The following EXT1 variants were observed in gnomAD, a reference collection of about 807,000 sequenced individuals.
The protein encoded by EXT1 is exostosin-1.
EXT1 carries 20 observed loss-of-function variants against 82.5 expected under a neutral mutation model. The ratio of observed to expected loss-of-function variants is 0.24; its 90% CI spans 0.17 to 0.35. The LOEUF is 0.35. Ranked by LOEUF, EXT1 falls within the 10% of genes least tolerant of loss-of-function variation. The pLI is 1.00. For synonymous variants in EXT1, 348 were observed against 350.8 expected (o/e 0.99, Z 0.09); for missense variants, 757 against 936.5 (o/e 0.81, Z 2.50).
At chr8:117,801,207 G>C (rs1303376331) in intron 10 of EXT1, among the ~76,000 whole-genome samples, 1 of 152,194 alleles carries the variant, frequency 6.6e-6, no homozygotes, top group Non-Finnish European at 1.5e-5. Flanking sequence ...AACACTATTT[G>C]TAAAGTGTTT....
chr8:118,062,754 A>G (rs1816903036), intron 1 of EXT1, among the ~76,000 whole-genome samples: 1 of 152,194 alleles, frequency 6.6e-6, no homozygotes, highest in Admixed American at 6.5e-5. Flanking sequence ...AAACTGGCCT[A>G]ACTGGATCAC....
intron 1 of EXT1, among the ~76,000 whole-genome samples, chr8:118,031,943 AG>A (rs1043115161): frequency 6.6e-6 from 1 of 152,024 alleles, no homozygotes; most frequent in Non-Finnish European, 1.5e-5. Context: ...CTGCAAATCA[AG>A]GCTGCTCCTC....
chr8:117,818,540 AT>A lies in EXT1; in HGVS notation c.1537-11del. 1 of 1,608,294 alleles carries A rather than the reference AT, an allele frequency of 6.2e-7. No homozygotes were observed. The highest frequency in any genetic ancestry group is 2.2e-5 in the East Asian group (1 of 44,834). ...TCCATAGAACTATGATCTGAAAGGGATGGGGCTCATTAGATGGCTGGGGTAG... is the reference window on the plus strand; with the variant it reads ...TCCATAGAACTATGATCTGAAAGGGAGGGGCTCATTAGATGGCTGGGGTAG... On this transcript the variant is annotated splice_polypyrimidine_tract_variant and intron_variant, in intron 6 of 10. Coordinates refer to ENST00000378204, the MANE Select transcript of EXT1 (RefSeq NM_000127.3).
chr8:117,943,600 C>T (rs934054403), intron 1 of EXT1, among the ~76,000 whole-genome samples: 2 of 152,150 alleles, frequency 1.3e-5, no homozygotes, highest in Non-Finnish European at 1.5e-5. Context: ...AGTGTTTGCA[C>T]GTACATGCCT....
chr8:117,812,192 G>C lies in EXT1; in HGVS notation c.1722+680C>G, dbSNP rs149241710. Among the ~76,000 whole-genome samples the C allele has an allele frequency of 1.3e-5, 2 of 152,280 alleles. 1 individual carries two copies. The highest frequency in any genetic ancestry group is 4.8e-5 in the African/African-American group (2 of 41,562). On this transcript the variant is annotated intron_variant, in intron 8 of 10. Transcript: ENST00000378204. ...TTTATATAGCTGTCTTTGGTCCTCTGCATGGTTTAAAGGAAGGTTTCAGAG... is the reference window on the plus strand; with the variant it reads ...TTTATATAGCTGTCTTTGGTCCTCTCCATGGTTTAAAGGAAGGTTTCAGAG...
At chr8:117,849,752 T>C (rs894383007) in intron 1 of EXT1, among the ~76,000 whole-genome samples, 3 of 152,186 alleles carry the variant, frequency 2.0e-5, no homozygotes, top group African/African-American at 7.2e-5. Flanking sequence ...AACTAAAGCA[T>C]TTATGAATAT....
chr8:117,982,038 C>T (rs1460287727), intron 1 of EXT1, among the ~76,000 whole-genome samples: 1 of 152,160 alleles, frequency 6.6e-6, no homozygotes, highest in Admixed American at 6.5e-5. Flanking sequence ...TCTATTGCTG[C>T]TGTAATAAAT....
At chr8:117,992,333 T>A (rs766098103) in intron 1 of EXT1, among the ~76,000 whole-genome samples, 1 of 151,152 alleles carries the variant, frequency 6.6e-6, no homozygotes, top group Non-Finnish European at 1.5e-5. Flanking sequence ...TTGTAAATAT[T>A]AAGGTTTGCA....
At chr8:117,847,727 G>A (rs1812385562) in intron 1 of EXT1, among the ~76,000 whole-genome samples, 1 of 152,146 alleles carries the variant, frequency 6.6e-6, no homozygotes, top group Admixed American at 6.5e-5. Flanking sequence ...ATCCTTTCCA[G>A]CAAGGCCAGC....
rs1460223340 is a variant in EXT1, at chr8:118,048,584, A to G, written c.962+61501T>C. Among the ~76,000 whole-genome samples, 7 of 152,230 alleles carry G rather than the reference A, an allele frequency of 4.6e-5. 1 individual carries two copies. Among genetic ancestry groups the G allele is most frequent in the Admixed American group, 4.6e-4 (7 of 15,284 alleles). On this transcript the variant is annotated intron_variant, in intron 1 of 10. Transcript: ENST00000378204. ...AGACCCATCAGAAAAACAACATTCC[A>G]GAAACCTATTTTAGAGGGTATTTAC...
chr8:118,109,409 AAATGAATGAATTAATAAATG>A (rs967520120), intron 1 of EXT1, among the ~76,000 whole-genome samples: 1 of 143,342 alleles, frequency 7.0e-6, no homozygotes, highest in African/African-American at 2.5e-5. Flanking sequence ...ACATGTACAG[AAATGAATGAATTAATAAATG>A]AATGAATGAA....
chr8:118,088,518 G>A (rs1817468193), intron 1 of EXT1, among the ~76,000 whole-genome samples: 1 of 150,504 alleles, frequency 6.6e-6, no homozygotes, highest in African/African-American at 2.4e-5. Flanking sequence ...GGTAGGGGAA[G>A]AAAGGGGGGA....
chr8:117,899,444 A>C (rs1042432662), intron 1 of EXT1, among the ~76,000 whole-genome samples: 1 of 152,236 alleles, frequency 6.6e-6, no homozygotes, highest in Non-Finnish European at 1.5e-5. Flanking sequence ...TCTCGTGTAT[A>C]AATAATTAGG....
chr8:117,881,270 G>A (rs952370210), intron 1 of EXT1, among the ~76,000 whole-genome samples: 5 of 152,048 alleles, frequency 3.3e-5, no homozygotes, highest in African/African-American at 1.2e-4. Context: ...GAAATGGTGA[G>A]GCCTACAAAG....
chr8:117,875,204 G>A (rs1812946057), intron 1 of EXT1, among the ~76,000 whole-genome samples: 1 of 152,074 alleles, frequency 6.6e-6, no homozygotes, highest in African/African-American at 2.4e-5. Flanking sequence ...ACCACTTGAG[G>A]TCAGGAGTTC....
intron 10 of EXT1, among the ~76,000 whole-genome samples, chr8:117,804,093 T>G (rs968183339): frequency 6.6e-6 from 1 of 152,234 alleles, no homozygotes; most frequent in African/African-American, 2.4e-5. Context: ...TTAATTCTGC[T>G]GAGGGCTGAA....
intron 1 of EXT1, among the ~76,000 whole-genome samples, chr8:118,091,143 A>G (rs768589121): frequency 1.3e-5 from 2 of 152,212 alleles, no homozygotes; most frequent in Non-Finnish European, 2.9e-5. Flanking sequence ...AGACAGTTTC[A>G]AAGAACATAA....
intron 1 of EXT1, among the ~76,000 whole-genome samples, chr8:117,890,623 A>ATTCTTAGC (rs1813226985): frequency 6.6e-6 from 1 of 152,228 alleles, no homozygotes; most frequent in African/African-American, 2.4e-5. Flanking sequence ...CAATGACAGT[A>ATTCTTAGC]TTCTTAGCTT....
chr8:117,965,982 A>C (rs1308015809), intron 1 of EXT1, among the ~76,000 whole-genome samples: 2 of 142,648 alleles, frequency 1.4e-5, no homozygotes, highest in Admixed American at 7.0e-5. Flanking sequence ...AAATAAACAC[A>C]TACATGCATA....
Sources: gnomAD v4.1 joint callset for allele counts (sites outside exome capture counted in the v4.1 genomes callset) on GRCh38, gnomAD v4.1.1 for gene constraint, MANE v1.5 for transcripts, NCBI Gene and HGNC (gene_info 2026-07-23, HGNC 2026-07-21) for gene names.